Variants in SLC13A3 observed in about 807,000 individuals in gnomAD.
The protein encoded by SLC13A3 is Na(+)/dicarboxylate cotransporter 3.
SLC13A3 carries 40 observed loss-of-function variants against 59.0 expected under a neutral mutation model. That is an observed-to-expected ratio of 0.68 (90% CI 0.53 to 0.88). The LOEUF is 0.88. Ranked by LOEUF, SLC13A3 falls within the 40% of genes least tolerant of loss-of-function variation. The pLI is 0.00. For synonymous variants in SLC13A3, 317 were observed against 330.3 expected, an observed-to-expected ratio of 0.96 and a Z score of 0.44; for missense variants, 699 against 783.2, an observed-to-expected ratio of 0.89 and a Z score of 1.28.
chr20:46,570,213 C>G (rs898849945), intron 10 of SLC13A3, among the ~76,000 whole-genome samples: 5 of 152,182 alleles, frequency 3.3e-5, no homozygotes, highest in African/African-American at 4.8e-5. Context: ...ACGAAACACT[C>G]TCTGTACTTA....
chr20:46,612,157 TCTCA>T (rs757370443), intron 2 of SLC13A3, among the ~76,000 whole-genome samples: 109 of 120,034 alleles, frequency 9.1e-4, no homozygotes, highest in Admixed American at 1.9e-3. Flanking sequence ...TGAGACAGGG[TCTCA>T]CTGTTACTGA....
At chr20:46,679,622 A>G (rs1453586395) in intron 1 of SLC13A3, among the ~76,000 whole-genome samples, 1 of 151,138 alleles carries the variant, frequency 6.6e-6, no homozygotes, top group East Asian at 2.0e-4. Flanking sequence ...TCAAAAAAAA[A>G]AAGGGGGTGG....
intron 3 of SLC13A3, chr20:46,608,879 G>A (rs2062462828): frequency 1.3e-6 from 2 of 1,548,474 alleles, no homozygotes; most frequent in East Asian, 4.9e-5. Flanking sequence ...TCCTGTCTTT[G>A]GGTCCCAGGT....
intron 9 of SLC13A3, among the ~76,000 whole-genome samples, chr20:46,580,105 G>A (rs2062120751): frequency 6.6e-6 from 1 of 152,078 alleles, no homozygotes; most frequent in Admixed American, 6.5e-5. Context: ...ACAGGTATGT[G>A]CCACCACACC....
intron 1 of SLC13A3, among the ~76,000 whole-genome samples, chr20:46,640,977 A>G (rs1258306802): frequency 6.6e-6 from 1 of 152,170 alleles, no homozygotes; most frequent in East Asian, 1.9e-4. Flanking sequence ...GCTGGACCTC[A>G]GAGGAATTGT....
rs564447589 is a variant in SLC13A3 at position 46,566,266 on chromosome 20, G to C, written c.1457C>G (p.Ala486Gly). The change falls in exon 11 of 13, where the codon GCG (alanine) becomes GGG (glycine). Residue 486 changes from alanine (A) to glycine (G), a missense_variant. Physicochemically the swap from Ala to Gly is moderately conservative, Grantham distance 60. Coordinates refer to ENST00000279027, the MANE Select transcript of SLC13A3 (RefSeq NM_022829.6). ...AFFTEFASNT[A>G]TIIIFLPVLA... Reference sequence around the variant, plus strand: ...GACCGGCAGGAAGATGATGATGGTCGCCGTGTTGCTGGCAAACTCAGTGAA... The same window carrying C: ...GACCGGCAGGAAGATGATGATGGTCCCCGTGTTGCTGGCAAACTCAGTGAA... 1 of 1,613,620 alleles carries C rather than the reference G, an allele frequency of 6.2e-7. No homozygotes were observed. The highest frequency in any genetic ancestry group is 1.1e-5 in the South Asian group (1 of 91,064).
chr20:46,650,255 T>C (rs1367046826), intron 1 of SLC13A3, among the ~76,000 whole-genome samples: 2 of 152,038 alleles, frequency 1.3e-5, no homozygotes, highest in Non-Finnish European at 1.5e-5. Flanking sequence ...TTGGGGAGAC[T>C]GAAAACAGCT....
At chr20:46,567,730 T>C (rs1310160368) in intron 10 of SLC13A3, among the ~76,000 whole-genome samples, 1 of 152,192 alleles carries the variant, frequency 6.6e-6, no homozygotes, top group Admixed American at 6.5e-5. Context: ...ACATCTAGAA[T>C]ACTCTTCCGC....
At chr20:46,598,505 G>A (rs192352972) in intron 4 of SLC13A3, among the ~76,000 whole-genome samples, 1 of 152,336 alleles carries the variant, frequency 6.6e-6, no homozygotes, top group Admixed American at 6.5e-5. Flanking sequence ...TAGAGGGTGA[G>A]GACTGGGTTT....
In SLC13A3 at chr20:46,596,237, G is replaced by A; in HGVS notation, c.714C>T (p.Ile238=). The change falls in exon 5 of 13, where the codon ATC becomes ATT. Residue 238 remains isoleucine, a synonymous_variant. Transcript: ENST00000279027. ...TGCCCCCAATACTGGCTGAGTAGGG[G>A]ATGGAGATGAGGAAGCCCTTCCAGA... ...RNIWKGFLIS[I]PYSASIGGTA... is the part of the protein sequence containing the mutation. The A allele has an allele frequency of 2.5e-6, 4 of 1,614,174 alleles. No homozygotes were observed. Among genetic ancestry groups the A allele is most frequent in the Non-Finnish European group, 3.4e-6 (4 of 1,180,040 alleles).
At chr20:46,582,608 A>G (rs868072331) in intron 9 of SLC13A3, 3 of 983,528 alleles carry the variant, frequency 3.1e-6, no homozygotes, top group African/African-American at 1.8e-5. Context: ...ATTAAAAAAA[A>G]AAGAAGAAGA....
At chr20:46,588,245 C>T in intron 7 of SLC13A3, 82 bp from the exon 8 acceptor site, 1 of 747,990 alleles carries the variant, frequency 1.3e-6, no homozygotes. Flanking sequence ...CAGCTGCCCA[C>T]TGGGAGTGAC....
At chr20:46,592,808 C>A (rs186461424) in intron 5 of SLC13A3, among the ~76,000 whole-genome samples, 64 of 152,312 alleles carry the variant, frequency 4.2e-4, no homozygotes, top group South Asian at 3.1e-3. Flanking sequence ...GTGAAACAGG[C>A]CAGGCTGGGC....
chr20:46,600,335 G>A (rs1272380568), intron 3 of SLC13A3, among the ~76,000 whole-genome samples: 3 of 133,000 alleles, frequency 2.3e-5, no homozygotes, highest in African/African-American at 8.7e-5. Context: ...AAGGAAGGAA[G>A]GAAGGAAAGG....
At chr20:46,608,700 G>A (rs985763708) in intron 3 of SLC13A3, 11 of 689,886 alleles carry the variant, frequency 1.6e-5, no homozygotes, top group South Asian at 7.8e-5. Flanking sequence ...GATGGTACAC[G>A]GATCAACATT....
chr20:46,661,692 G>A (rs1270942899), intron 1 of SLC13A3, among the ~76,000 whole-genome samples: 1 of 151,994 alleles, frequency 6.6e-6, no homozygotes, highest in East Asian at 1.9e-4. Flanking sequence ...GGAGGGCTAT[G>A]GTTCTACACA....
intron 10 of SLC13A3, 37 bp downstream of exon 10, chr20:46,575,536 A>G (rs538900617): frequency 1.5e-6 from 2 of 1,315,946 alleles, no homozygotes; most frequent in African/African-American, 2.9e-5. Context: ...CCTGCCTCCC[A>G]CTGTTCCTGC....
intron 1 of SLC13A3, among the ~76,000 whole-genome samples, chr20:46,642,479 C>A (rs2062854341): frequency 6.6e-6 from 1 of 152,182 alleles, no homozygotes; most frequent in African/African-American, 2.4e-5. Flanking sequence ...GGTGCTCAGT[C>A]TATGGTTGCT....
chr20:46,653,106 G>T (rs917671280), upstream of SLC13A3, among the ~76,000 whole-genome samples: 14 of 151,926 alleles, frequency 9.2e-5, no homozygotes, highest in African/African-American at 1.5e-4. Flanking sequence ...GTATTATTTG[G>T]TTTTTTACAG....
Sources: gnomAD v4.1 joint callset for allele counts (sites outside exome capture counted in the v4.1 genomes callset) on GRCh38, gnomAD v4.1.1 for gene constraint, MANE v1.5 for transcripts, NCBI Gene and HGNC (gene_info 2026-07-23, HGNC 2026-07-21) for gene names.